The following NFASC variants were observed in gnomAD, a reference collection of about 807,000 sequenced individuals.
The protein encoded by NFASC is neurofascin homolog.
A neutral mutation model predicts 147.5 loss-of-function variants in NFASC; 43 were observed. That is an observed-to-expected ratio of 0.29 (90% CI 0.23 to 0.38). The LOEUF is 0.38. NFASC is among the 10% of genes least tolerant of loss of function. The pLI, the probability that NFASC is intolerant of heterozygous loss-of-function variation, is 1.00. For missense variants in NFASC, 1,320 were observed against 1,689.0 expected, an observed-to-expected ratio of 0.78 and a Z score of 3.83; for synonymous variants, 622 against 665.5, an observed-to-expected ratio of 0.93 and a Z score of 1.01.
Position 204,987,612 on chromosome 1 carries a change from G to T in NFASC, c.2593+72G>T. 6.3e-7 allele frequency: 1 copy of T among 1,580,024 alleles called. No individual in the cohort carries two copies. The highest frequency in any genetic ancestry group is 1.1e-5 in the South Asian group (1 of 89,220). The stretch of plus-strand genomic sequence containing the variant: ...ACCCCATTCTCACCACTTTTCCTAA[G>T]GACTCAAGGTAGAAAGCCTGTGGGT... On this transcript the variant is annotated intron_variant, in intron 22 of 29. Coordinates refer to ENST00000339876, the MANE Select transcript of NFASC (RefSeq NM_001005388.3). This position sits in a 1 kb window ranked among gnomAD's most constrained non-coding sequence, Gnocchi z 4.4.
chr1:205,012,009 G>T (rs2096263190), intron 28 of NFASC, among the ~76,000 whole-genome samples: 1 of 152,196 alleles, frequency 6.6e-6, no homozygotes, highest in East Asian at 1.9e-4. Flanking sequence ...AACCCGGGAG[G>T]CAGAGGTTGC....
intron 24 of NFASC, among the ~76,000 whole-genome samples, chr1:204,995,129 A>T (rs1380775657): frequency 3.3e-5 from 5 of 152,062 alleles, no homozygotes; most frequent in Admixed American, 3.3e-4. Flanking sequence ...CAATTAAAAT[A>T]AAAAAAATCA....
At chr1:204,872,703 A>G (rs567498407) in intron 1 of NFASC, among the ~76,000 whole-genome samples, 2 of 152,190 alleles carry the variant, frequency 1.3e-5, no homozygotes, top group South Asian at 2.1e-4. Flanking sequence ...TCCTTGGACA[A>G]CCCTCTCTCT....
chr1:205,005,020 C>T (rs1173206002), intron 27 of NFASC, among the ~76,000 whole-genome samples: 1 of 152,188 alleles, frequency 6.6e-6, no homozygotes, highest in Non-Finnish European at 1.5e-5. Context: ...ATGGTGGAAG[C>T]TTAGAGTGGG....
chr1:204,896,603 G>T (rs1009853418), intron 1 of NFASC, among the ~76,000 whole-genome samples: 6 of 152,098 alleles, frequency 3.9e-5, no homozygotes, highest in African/African-American at 1.2e-4. Context: ...ACAAGCCAGG[G>T]TCTCTCATTC....
Position 204,957,668 on chromosome 1 carries a change from T to C in NFASC, c.548T>C (p.Ile183Thr). Residue 183 changes from isoleucine to threonine, a missense_variant, in exon 8 of 30, where the codon ATC (isoleucine) becomes ACC (threonine). Coordinates refer to ENST00000339876, the MANE Select transcript of NFASC (RefSeq NM_001005388.3). ...TGCTTTCTTATAGCCATGGAGCCCA[T>C]CACCCAAGACAAACGTGTCTCTCAG... is the stretch of plus-strand genomic sequence containing the variant. ...IFWMSSSMEP[I>T]TQDKRVSQGH... 6.2e-7 allele frequency: 1 copy of C among 1,614,122 alleles called. No individual in the cohort carries two copies.
At chr1:205,004,888 T>A (rs2096072464) in intron 27 of NFASC, among the ~76,000 whole-genome samples, 1 of 152,186 alleles carries the variant, frequency 6.6e-6, no homozygotes, top group Non-Finnish European at 1.5e-5. Flanking sequence ...AATGGGAAGT[T>A]AATCACCTCC....
intron 3 of NFASC, 137 bp from the exon 4 acceptor site, chr1:204,950,420 G>C: frequency 1.3e-6 from 1 of 777,428 alleles, no homozygotes; most frequent in Non-Finnish European, 2.2e-6. Context: ...GGAGGAGAGA[G>C]CCCTGTGCTC....
At chr1:204,965,179 C>A (rs757473438) in intron 8 of NFASC, among the ~76,000 whole-genome samples, 2 of 152,102 alleles carry the variant, frequency 1.3e-5, no homozygotes, top group Non-Finnish European at 1.5e-5. Flanking sequence ...AAGATCAGGG[C>A]GAATAACCAA....
At chr1:204,947,071 C>T (rs1330050636) in intron 3 of NFASC, 2 of 330,088 alleles carry the variant, frequency 6.1e-6, no homozygotes, top group East Asian at 1.5e-4. Context: ...CCAAGATCCA[C>T]TACCAAAAGA....
At chr1:204,845,147 A>G (rs116516744) in intron 1 of NFASC, among the ~76,000 whole-genome samples, 5,278 of 152,190 alleles carry the variant, frequency 0.035, 193 homozygotes, top group South Asian at 0.089. Context: ...TTAAAAGAGA[A>G]ATGTTTTCCT....
At position 204,976,743 on chromosome 1, in the gene NFASC, C is replaced by T. The variant is rs17415240; in HGVS notation, c.1779C>T (p.Val593=). 0.011 allele frequency: 17,799 copies of T among 1,614,058 alleles called. 134 individuals carry two copies. Among genetic ancestry groups the T allele is most frequent in the Non-Finnish European group, 0.013 (15,255 of 1,179,940 alleles). ...GGGACCAGGGCAGTTACACGTGTGT[C>T]GCCAGCACCGAGCTAGACCAAGACC... ...AERDQGSYTC[V]ASTELDQDLA... Residue 593 remains valine (V), a synonymous_variant, in exon 16 of 30, where the codon GTC becomes GTT. Coordinates refer to ENST00000339876, the MANE Select transcript of NFASC (RefSeq NM_001005388.3).
intron 5 of NFASC, 127 bp downstream of exon 5, chr1:204,952,243 A>G: frequency 1.4e-6 from 1 of 705,758 alleles, no homozygotes; most frequent in South Asian, 1.7e-5. Flanking sequence ...TTAGGCACCT[A>G]CTAGGTGGAA....
chr1:204,880,521 A>AG (rs2079977694), intron 1 of NFASC, among the ~76,000 whole-genome samples: 1 of 151,888 alleles, frequency 6.6e-6, no homozygotes, highest in Non-Finnish European at 1.5e-5. Context: ...ACGCCTAGCT[A>AG]ATTTTTTGTA....
intron 27 of NFASC, 164 bp from the exon 28 acceptor site, chr1:205,009,393 T>C (rs1212063830): frequency 1.3e-6 from 1 of 795,370 alleles, no homozygotes; most frequent in African/African-American, 1.7e-5. Flanking sequence ...TATTTTCTTT[T>C]TGTCCTTTAG....
chr1:204,990,163 C>G (rs1017769820), intron 23 of NFASC: 1 of 152,324 alleles, frequency 6.6e-6, no homozygotes, highest in African/African-American at 2.4e-5. Flanking sequence ...GCATCCCTCT[C>G]TGGTCTCAGA....
At chr1:204,899,716 T>G (rs1329568163) in intron 1 of NFASC, among the ~76,000 whole-genome samples, 2 of 152,230 alleles carry the variant, frequency 1.3e-5, no homozygotes, top group Non-Finnish European at 2.9e-5. Flanking sequence ...AGGTGCTTGC[T>G]TTTGTCCCAC....
Position 204,954,929 on chromosome 1 carries a change from G to T in NFASC, c.513G>T (p.Pro171=), listed in dbSNP as rs202108157. ...QCNPPPGLPS[P]VIFWMSSSME... ...ACCCCCCGCCTGGACTTCCATCCCC[G>T]GTCATCTTCTGGATGAGCAGCTGTG... The change falls in exon 7 of 30, where the codon CCG becomes CCT. Residue 171 remains proline, a synonymous_variant. Coordinates refer to ENST00000339876, the MANE Select transcript of NFASC (RefSeq NM_001005388.3). The surrounding 1 kb of genome is among the most constrained non-coding windows in gnomAD (Gnocchi z 5.7). The T allele has an allele frequency of 1.7e-4, 274 of 1,614,054 alleles. No homozygotes were observed. The highest frequency in any genetic ancestry group is 6.8e-5 in the Non-Finnish European group (80 of 1,180,008).
At chr1:204,898,616 C>T (rs1393399512) in intron 1 of NFASC, among the ~76,000 whole-genome samples, 1 of 152,184 alleles carries the variant, frequency 6.6e-6, no homozygotes, top group Non-Finnish European at 1.5e-5. Flanking sequence ...GCTGAGTGAG[C>T]CCTGTATCCT....
Sources: gnomAD v4.1 joint callset for allele counts (sites outside exome capture counted in the v4.1 genomes callset) on GRCh38, gnomAD v4.1.1 for gene constraint, Gnocchi (gnomAD v3.1) non-coding constraint, MANE v1.5 for transcripts, NCBI Gene and HGNC (gene_info 2026-07-23, HGNC 2026-07-21) for gene names.